Variants in SHC4 observed in about 807,000 individuals in gnomAD.
SHC4 encodes the protein SHC adaptor protein 4, also known as SHC-transforming protein 4.
In SHC4, 41 loss-of-function variants were observed where a neutral mutation model predicts 69.4. That is an observed-to-expected ratio of 0.59 (90% CI 0.46 to 0.77). The LOEUF is 0.77. SHC4 is among the 30% of genes least tolerant of loss of function. The pLI is 0.00. For synonymous variants in SHC4, 318 were observed against 299.3 expected, an observed-to-expected ratio of 1.06 and a Z score of -0.64; for missense variants, 777 against 783.8, an observed-to-expected ratio of 0.99 and a Z score of 0.10.
chr15:48,944,444 GCCATT>G (rs1276190994), intron 1 of SHC4, among the ~76,000 whole-genome samples: 2 of 152,108 alleles, frequency 1.3e-5, no homozygotes, highest in Non-Finnish European at 2.9e-5. Flanking sequence ...ATTTGTATTT[GCCATT>G]CCTTCTTCCT....
At chr15:48,960,562 G>T (rs1008520232) in intron 1 of SHC4, among the ~76,000 whole-genome samples, 11 of 152,130 alleles carry the variant, frequency 7.2e-5, no homozygotes, top group African/African-American at 2.7e-4. Context: ...TGCCAGGACT[G>T]CCCAAGCCTG....
At chr15:48,831,504 T>TA (rs1234122568) in intron 11 of SHC4, among the ~76,000 whole-genome samples, 4 of 152,230 alleles carry the variant, frequency 2.6e-5, no homozygotes, top group Admixed American at 6.5e-5. Flanking sequence ...ACCATTGTGT[T>TA]ACAATTGTCT....
intron 1 of SHC4, among the ~76,000 whole-genome samples, chr15:48,929,730 C>T (rs1443668751): frequency 6.6e-6 from 1 of 152,180 alleles, no homozygotes; most frequent in East Asian, 1.9e-4. Context: ...GAGGACACTC[C>T]CTAATTCCCC....
intron 11 of SHC4, among the ~76,000 whole-genome samples, chr15:48,829,167 C>T (rs1320812498): frequency 1.3e-5 from 2 of 152,138 alleles, no homozygotes; most frequent in African/African-American, 4.8e-5. Context: ...ATAATCTATT[C>T]TGGAGAATGT....
chr15:48,945,688 G>A (rs1419592979), intron 1 of SHC4, among the ~76,000 whole-genome samples: 1 of 148,354 alleles, frequency 6.7e-6, no homozygotes, highest in Non-Finnish European at 1.5e-5. Flanking sequence ...ACAGGAAGTA[G>A]ATTAGTCTCT....
intron 1 of SHC4, among the ~76,000 whole-genome samples, chr15:48,951,421 T>C (rs1275837896): frequency 6.6e-6 from 1 of 152,140 alleles, no homozygotes; most frequent in Non-Finnish European, 1.5e-5. Flanking sequence ...GCATCCTCTC[T>C]GAGCATTGCA....
chr15:48,834,929 C>A lies in SHC4; in HGVS notation c.1577G>T (p.Cys526Phe). 1 of 1,613,950 alleles carries A rather than the reference C, an allele frequency of 6.2e-7. No individual in the cohort carries two copies. The change falls in exon 11 of 12, where the codon TGC (cysteine) becomes TTC (phenylalanine). Residue 526 changes from cysteine to phenylalanine, a missense_variant. Transcript: ENST00000332408. ...CTTCCTGCTCAGCTTGCCATGATAG[C>A]ATTCTTCGCTCCACAGCTGCTGCTT... ...HIKQQLWSEE[C>F]YHGKLSRKAA...
chr15:48,894,292 G>T (rs1357707237), intron 2 of SHC4, among the ~76,000 whole-genome samples: 3 of 152,128 alleles, frequency 2.0e-5, no homozygotes, highest in Non-Finnish European at 1.5e-5. Context: ...TTGCTATTTT[G>T]TTTCTGATTC....
chr15:48,871,460 T>C (rs976010670), intron 5 of SHC4, among the ~76,000 whole-genome samples: 4 of 152,218 alleles, frequency 2.6e-5, no homozygotes, highest in Non-Finnish European at 5.9e-5. Flanking sequence ...CTCCTTTTGC[T>C]GTGGTCCAGA....
intron 1 of SHC4, among the ~76,000 whole-genome samples, chr15:48,938,872 T>C (rs187768621): frequency 1.6e-3 from 241 of 152,292 alleles, no homozygotes; most frequent in African/African-American, 5.5e-3. Context: ...AGCATGGGCT[T>C]TGAGAATCAG....
At chr15:48,905,541 G>T (rs1254114615) in intron 2 of SHC4, among the ~76,000 whole-genome samples, 1 of 152,124 alleles carries the variant, frequency 6.6e-6, no homozygotes, top group Non-Finnish European at 1.5e-5. Flanking sequence ...ATCAAAATTA[G>T]AAATCCAGGC....
At position 48,857,688 on chromosome 15, in the gene SHC4, T is replaced by C; in HGVS notation, c.1070+4A>G. The C allele has an allele frequency of 6.3e-7, 1 of 1,592,802 alleles. No individual in the cohort carries two copies. The highest frequency in any genetic ancestry group is 1.2e-5 in the South Asian group (1 of 86,674). On this transcript the variant is annotated splice_donor_region_variant and intron_variant, in intron 7 of 11. Transcript: ENST00000332408. ...GTCAAATTATTATAAAACTCTTGGCTGACCTTTCACAAGAAGTATTCAAAG... is the reference window on the plus strand; with the variant it reads ...GTCAAATTATTATAAAACTCTTGGCCGACCTTTCACAAGAAGTATTCAAAG...
intron 2 of SHC4, among the ~76,000 whole-genome samples, chr15:48,905,470 C>T (rs1236074563): frequency 2.0e-5 from 3 of 152,210 alleles, no homozygotes; most frequent in South Asian, 2.1e-4. Flanking sequence ...GTTCAAAAGG[C>T]CTATTCTTAC....
chr15:48,892,321 C>A (rs1900152057), intron 2 of SHC4, among the ~76,000 whole-genome samples: 1 of 152,124 alleles, frequency 6.6e-6, no homozygotes. Flanking sequence ...ATAAATGAAA[C>A]TCTTCTTCAA....
chr15:48,939,897 G>C (rs1901143359), intron 1 of SHC4, among the ~76,000 whole-genome samples: 1 of 152,258 alleles, frequency 6.6e-6, no homozygotes, highest in Admixed American at 6.5e-5. Flanking sequence ...CAGGATCATA[G>C]CTGTGCAGAC....
chr15:48,885,275 G>C (rs1188260926), intron 3 of SHC4, among the ~76,000 whole-genome samples: 1 of 152,144 alleles, frequency 6.6e-6, no homozygotes, highest in East Asian at 1.9e-4. Context: ...CTTACCAACT[G>C]ATGACCTTAG....
chr15:48,941,838 A>G (rs552501015), intron 1 of SHC4, among the ~76,000 whole-genome samples: 2 of 152,184 alleles, frequency 1.3e-5, no homozygotes, highest in Non-Finnish European at 2.9e-5. Context: ...TGCTGTAACT[A>G]TCACTCAAAT....
chr15:48,836,761 T>C (rs1022450955), intron 10 of SHC4, among the ~76,000 whole-genome samples: 3 of 152,212 alleles, frequency 2.0e-5, no homozygotes, highest in Non-Finnish European at 2.9e-5. Flanking sequence ...CGTAATTCAA[T>C]TCTACTGTTA....
At chr15:48,958,140 C>T (rs1042909321) in intron 1 of SHC4, among the ~76,000 whole-genome samples, 1 of 152,184 alleles carries the variant, frequency 6.6e-6, no homozygotes, top group African/African-American at 2.4e-5. Context: ...GAAACTAATG[C>T]GATCTGGGAA....
Sources: gnomAD v4.1 joint callset for allele counts (sites outside exome capture counted in the v4.1 genomes callset) on GRCh38, gnomAD v4.1.1 for gene constraint, MANE v1.5 for transcripts, NCBI Gene and HGNC (gene_info 2026-07-23, HGNC 2026-07-21) for gene names.